The following AKAP12 variants were observed in gnomAD, a reference collection of about 807,000 sequenced individuals.
AKAP12 encodes A-kinase anchor protein 12.
A neutral mutation model predicts 79.9 loss-of-function variants in AKAP12; 32 were observed. That is an observed-to-expected ratio of 0.40 (90% CI 0.30 to 0.54). The LOEUF (loss-of-function observed/expected upper bound fraction) is 0.54, where lower values mean the gene tolerates loss of function less well. AKAP12 is among the 20% of genes least tolerant of loss of function. AKAP12 has a pLI of 0.48. For synonymous variants in AKAP12, 808 were observed against 857.0 expected (o/e 0.94, Z 1.00); for missense variants, 2,074 against 2,177.0 (o/e 0.95, Z 0.94).
chr6:151,296,361 G>A (rs902631024), intron 2 of AKAP12, among the ~76,000 whole-genome samples: 2 of 152,310 alleles, frequency 1.3e-5, no homozygotes, highest in African/African-American at 4.8e-5. Flanking sequence ...AACCTTGCTA[G>A]TTAAAAGGCC....
At position 151,240,586 on chromosome 6, in the gene AKAP12, G is replaced by T; in HGVS notation, c.24G>T (p.Glu8Asp). The change falls in exon 2 of 5, where the codon GAG (glutamate) becomes GAT (aspartate). Residue 8 changes from glutamate to aspartate, a missense_variant. Transcript: ENST00000402676. Reference sequence around the variant, plus strand: ...CCATGGGCGCCGGGAGCTCCACCGAGCAGCGCAGCCCGGAGCAGCCGCCCG... The same window carrying T: ...CCATGGGCGCCGGGAGCTCCACCGATCAGCGCAGCCCGGAGCAGCCGCCCG... MGAGSST[E>D]QRSPEQPPEG... is the part of the protein sequence containing the mutation. 6.9e-7 allele frequency: 1 copy of T among 1,448,256 alleles called. No individual in the cohort carries two copies. The allele number at this position is 1,448,256 out of a possible 1,614,324, so 89.7% of individuals were successfully genotyped here.
At chr6:151,294,445 C>T (rs562702411) in intron 2 of AKAP12, among the ~76,000 whole-genome samples, 4 of 152,292 alleles carry the variant, frequency 2.6e-5, no homozygotes, top group South Asian at 2.1e-4. Context: ...AGGAAGATAC[C>T]GGTTGTATCA....
At chr6:151,310,507 G>T (rs969470551) in intron 3 of AKAP12, among the ~76,000 whole-genome samples, 1 of 152,198 alleles carries the variant, frequency 6.6e-6, no homozygotes, top group African/African-American at 2.4e-5. Context: ...CCTTGGGGAG[G>T]TCGAGGCTGG....
chr6:151,334,128 A>G (rs1222950405), intron 3 of AKAP12, among the ~76,000 whole-genome samples: 1 of 152,086 alleles, frequency 6.6e-6, no homozygotes, highest in African/African-American at 2.4e-5. Flanking sequence ...CACAAAACAA[A>G]AACAGAAAAG....
intron 2 of AKAP12, 39 bp from the exon 3 acceptor site, chr6:151,305,708 G>A: frequency 1.3e-6 from 2 of 1,574,778 alleles, no homozygotes; most frequent in Non-Finnish European, 1.7e-6. Flanking sequence ...TGGTCATGAG[G>A]ACTGAAATTA....
At chr6:151,345,091 G>C (rs949883612) in intron 3 of AKAP12, among the ~76,000 whole-genome samples, 1 of 150,506 alleles carries the variant, frequency 6.6e-6, no homozygotes, top group Admixed American at 6.6e-5. Flanking sequence ...TTTTTTTTTG[G>C]GGGGGACAGA....
chr6:151,351,712 A>T lies in AKAP12; in HGVS notation c.3321A>T (p.Thr1107=). The change falls in exon 4 of 5, where the codon ACA becomes ACT. Residue 1107 remains threonine, a synonymous_variant. Transcript: ENST00000402676. The surrounding 1 kb of genome is among the most constrained non-coding windows in gnomAD (Gnocchi z 4.4). ...AGGAGGCAAAAACTGAGCCTTTTAC[A>T]CAAGGGAAGGTGGTGGGGCAGACCA... ...DAQEAKTEPF[T]QGKVVGQTTP... is the part of the protein sequence containing the mutation. The T allele has an allele frequency of 6.2e-7, 1 of 1,614,200 alleles. No homozygotes were observed. The highest frequency in any genetic ancestry group is 8.5e-7 in the Non-Finnish European group (1 of 1,180,034).
chr6:151,249,223 G>T (rs545810208), intron 2 of AKAP12, among the ~76,000 whole-genome samples: 47 of 152,244 alleles, frequency 3.1e-4, no homozygotes, highest in African/African-American at 1.1e-3. Flanking sequence ...CATTTGACTG[G>T]TCCAAAAATC....
chr6:151,276,056 C>T (rs1207233442), intron 2 of AKAP12, among the ~76,000 whole-genome samples: 2 of 152,130 alleles, frequency 1.3e-5, no homozygotes, highest in East Asian at 1.9e-4. Flanking sequence ...TTGCCTTGGT[C>T]TAACAGTTGT....
At chr6:151,290,046 C>T (rs939806665) in intron 2 of AKAP12, among the ~76,000 whole-genome samples, 1 of 152,188 alleles carries the variant, frequency 6.6e-6, no homozygotes, top group African/African-American at 2.4e-5. Context: ...GGCATCTGAA[C>T]AAGATGGTTT....
rs780547411 is a variant in AKAP12, at chr6:151,278,200, TG to T, written c.163-27545del. On this transcript the variant is annotated intron_variant, in intron 2 of 4. Coordinates refer to ENST00000402676, the MANE Select transcript of AKAP12 (RefSeq NM_005100.4). ...GGGAATTCAGATGTTGTGTTTTTTTTGGTTTTTTGTTTGTTTGTTTTGTTTT... is the reference window on the plus strand; with the variant it reads ...GGGAATTCAGATGTTGTGTTTTTTTTGTTTTTTGTTTGTTTGTTTTGTTTT... 8.1e-3 allele frequency among the ~76,000 whole-genome samples: 1,053 copies of T among 129,578 alleles called. 6 individuals are homozygous for T. The highest frequency in any genetic ancestry group is 0.014 in the Non-Finnish European group (784 of 57,592). The allele number at this position is 129,578 out of a possible 152,430, so 85.0% of individuals were successfully genotyped here. A position where few individuals can be genotyped will look rare whatever the true frequency, so the allele number is the denominator to read the frequency against.
At chr6:151,248,738 C>T (rs1418172841) in intron 2 of AKAP12, among the ~76,000 whole-genome samples, 1 of 152,106 alleles carries the variant, frequency 6.6e-6, no homozygotes, top group Admixed American at 6.5e-5. Flanking sequence ...GCCTGTAATC[C>T]CAGCACTTTG....
At chr6:151,254,255 C>T (rs1797246194) in intron 2 of AKAP12, among the ~76,000 whole-genome samples, 1 of 151,924 alleles carries the variant, frequency 6.6e-6, no homozygotes, top group Non-Finnish European at 1.5e-5. Flanking sequence ...TTAATGTGGG[C>T]AAAAACCCAG....
intron 3 of AKAP12, among the ~76,000 whole-genome samples, chr6:151,321,245 C>T (rs1777378114): frequency 6.6e-6 from 1 of 152,122 alleles, no homozygotes; most frequent in Admixed American, 6.5e-5. Flanking sequence ...CCTCGGCCTC[C>T]CAAAGTGTTG....
At chr6:151,283,877 G>C (rs1361846606) in intron 2 of AKAP12, among the ~76,000 whole-genome samples, 1 of 152,090 alleles carries the variant, frequency 6.6e-6, no homozygotes, top group East Asian at 1.9e-4. Context: ...ATTTCACATC[G>C]ACCCATTCTG....
At chr6:151,323,275 A>T (rs545375728) in intron 3 of AKAP12, among the ~76,000 whole-genome samples, 149 of 152,316 alleles carry the variant, frequency 9.8e-4, no homozygotes, top group African/African-American at 3.5e-3. Flanking sequence ...ATCAGGCCGG[A>T]CGCAGTGGCT....
At chr6:151,324,309 C>T (rs1432600952) in intron 3 of AKAP12, 1 of 985,266 alleles carries the variant, frequency 1.0e-6, no homozygotes, top group African/African-American at 1.7e-5. Context: ...GAAACGGAAG[C>T]CAGGCTTTTG....
Position 151,349,646 on chromosome 6 carries a change from G to A in AKAP12, c.1255G>A (p.Val419Ile). The change falls in exon 4 of 5, where the codon GTC becomes ATC. Residue 419 changes from valine to isoleucine, a missense_variant. By Grantham distance (29) the Val-to-Ile change is conservative. Around this residue, in one of 3 missense-constraint regions of AKAP12, gnomAD observed 1,428 missense variants for 1,451.0 expected, o/e 0.98. Coordinates refer to ENST00000402676, the MANE Select transcript of AKAP12 (RefSeq NM_005100.4). ...CCACCAAGAAGAGGTTGTGGCCGAA[G>A]TCCACGTCAGCACCGTGGAGGAGAG... ...EVHQEEVVAE[V>I]HVSTVEERTE... The A allele has an allele frequency of 6.2e-7, 1 of 1,613,972 alleles. No individual in the cohort carries two copies. The highest frequency in any genetic ancestry group is 8.5e-7 in the Non-Finnish European group (1 of 1,179,954).
Position 151,350,324 on chromosome 6 carries a change from TCCA to T in AKAP12, c.1936_1938del (p.Thr646del). The T allele has an allele frequency of 6.2e-7, 1 of 1,602,214 alleles. No homozygotes were observed. The highest frequency in any genetic ancestry group is 8.5e-7 in the Non-Finnish European group (1 of 1,174,664). On this transcript the variant is annotated inframe_deletion, in exon 4 of 5. Transcript: ENST00000402676. This position sits in a 1 kb window ranked among gnomAD's most constrained non-coding sequence, Gnocchi z 4.8. ...CAAGGTCAAGAGCGCTACCTTGTCT[TCCA>T]CCGAGAGCACAGCCTCTGAAATGCA...
Sources: allele counts gnomAD v4.1 joint callset (sites outside exome capture counted in the v4.1 genomes callset), GRCh38; gene constraint gnomAD v4.1.1; regional missense constraint gnomAD v4.1.1; non-coding constraint Gnocchi (gnomAD v3.1); transcripts MANE v1.5; gene names NCBI Gene and HGNC (gene_info 2026-07-23, HGNC 2026-07-21).